KALRN: variants seen among roughly 807,000 people sequenced by gnomAD.
The protein encoded by KALRN is kalirin RhoGEF kinase, also known as kalirin.
A neutral mutation model predicts 353.7 loss-of-function variants in KALRN; 70 were observed. The observed-to-expected ratio is 0.20, with a 90% confidence interval of 0.16 to 0.24. KALRN has a LOEUF of 0.24. Among genes scored for constraint, KALRN ranks in the 10% least tolerant of loss-of-function variants. KALRN has a pLI of 1.00. For missense variants in KALRN, 2,791 were observed against 3,756.7 expected (o/e 0.74, Z 6.72); for synonymous variants, 1,391 against 1,434.8 (o/e 0.97, Z 0.69).
At chr3:124,103,942 C>T (rs957586452) in intron 1 of KALRN, among the ~76,000 whole-genome samples, 6 of 151,554 alleles carry the variant, frequency 4.0e-5, no homozygotes, top group Non-Finnish European at 7.4e-5. Flanking sequence ...GGTGGCAGAG[C>T]GAGACTCCAT....
intron 34 of KALRN, among the ~76,000 whole-genome samples, chr3:124,595,170 G>C (rs1412235395): frequency 6.7e-6 from 1 of 150,034 alleles, no homozygotes; most frequent in African/African-American, 2.4e-5. Context: ...CATTCTTTTG[G>C]TCTTTTTTTT....
At chr3:124,163,712 C>T (rs1445084461) in intron 1 of KALRN, 1 of 985,334 alleles carries the variant, frequency 1.0e-6, no homozygotes. Flanking sequence ...TGGCTCTTTA[C>T]CATAGACCTT....
rs557785466 is a variant in KALRN, at chr3:124,474,566, A to G, written c.4032-97A>G. On this transcript the variant is annotated intron_variant, in intron 25 of 59. Transcript: ENST00000682506. ...TTAGACAGTAGAGAAGCCATGTATA[A>G]ATAATTGAGAAGTTATGGTTGTGCT... The G allele has an allele frequency of 2.1e-5, 19 of 918,354 alleles. No homozygotes were observed. In the South Asian group the frequency reaches 2.2e-4, roughly 10 times the overall value. The allele number at this position is 918,354 out of a possible 1,614,324, so 56.9% of individuals were successfully genotyped here. A position where few individuals can be genotyped will look rare whatever the true frequency, so the allele number is the denominator to read the frequency against.
chr3:124,635,436 A>G (rs938603552), intron 36 of KALRN, among the ~76,000 whole-genome samples: 1 of 152,130 alleles, frequency 6.6e-6, no homozygotes, highest in African/African-American at 2.4e-5. Context: ...CAGAATTCTG[A>G]CTTACCTTTA....
chr3:124,150,792 C>T (rs1043864250), intron 1 of KALRN, among the ~76,000 whole-genome samples: 1 of 152,206 alleles, frequency 6.6e-6, no homozygotes, highest in Non-Finnish European at 1.5e-5. Flanking sequence ...AGTGAACACA[C>T]TTGAGTAATC....
intron 38 of KALRN, among the ~76,000 whole-genome samples, chr3:124,652,646 G>A (rs1278576042): frequency 6.6e-6 from 1 of 152,000 alleles, no homozygotes; most frequent in African/African-American, 2.4e-5. Flanking sequence ...GCACTATCTC[G>A]GCTCACTGCA....
At chr3:124,582,395 T>G (rs1484759737) in intron 34 of KALRN, among the ~76,000 whole-genome samples, 1 of 152,216 alleles carries the variant, frequency 6.6e-6, no homozygotes, top group African/African-American at 2.4e-5. Flanking sequence ...CATTTCCTGC[T>G]TGACAGTGAC....
At chr3:124,599,259 A>T (rs16835639) in intron 34 of KALRN, among the ~76,000 whole-genome samples, 1 of 152,140 alleles carries the variant, frequency 6.6e-6, no homozygotes, top group African/African-American at 2.4e-5. Context: ...TAGCCTTATC[A>T]TGCTCACATT....
At chr3:124,636,897 T>C (rs1039965561) in intron 36 of KALRN, among the ~76,000 whole-genome samples, 1 of 152,180 alleles carries the variant, frequency 6.6e-6, no homozygotes, top group Admixed American at 6.5e-5. Flanking sequence ...AAGCTGTTGC[T>C]GTCAGTAGGT....
chr3:124,162,193 T>A (rs150221724), intron 1 of KALRN: 1 of 152,344 alleles, frequency 6.6e-6, no homozygotes, highest in African/African-American at 2.4e-5. Context: ...TGCTTCTTGT[T>A]GAATTTTGCT....
chr3:124,123,906 A>G (rs1459464255), intron 1 of KALRN, among the ~76,000 whole-genome samples: 2 of 152,256 alleles, frequency 1.3e-5, no homozygotes, highest in African/African-American at 4.8e-5. Flanking sequence ...TCAAAATATT[A>G]CTTGCTCATT....
At chr3:124,674,645 G>T in intron 49 of KALRN, 31 bp downstream of exon 49, 3 of 1,514,590 alleles carry the variant, frequency 2.0e-6, no homozygotes, top group Non-Finnish European at 2.6e-6. Flanking sequence ...CCCGGGAGAG[G>T]AGTATGAGGA....
intron 33 of KALRN, among the ~76,000 whole-genome samples, chr3:124,498,225 A>G (rs1018499507): frequency 1.3e-5 from 2 of 152,188 alleles, no homozygotes; most frequent in Non-Finnish European, 2.9e-5. Flanking sequence ...TGCATATTTC[A>G]CAGAAACAGT....
intron 11 of KALRN, among the ~76,000 whole-genome samples, chr3:124,389,452 C>T (rs1252059231): frequency 6.6e-6 from 1 of 152,198 alleles, no homozygotes; most frequent in African/African-American, 2.4e-5. Flanking sequence ...ATTTCTTCTA[C>T]AAATTCAAGT....
At chr3:124,562,268 A>G (rs918247464) in intron 33 of KALRN, among the ~76,000 whole-genome samples, 1 of 152,152 alleles carries the variant, frequency 6.6e-6, no homozygotes, top group African/African-American at 2.4e-5. Flanking sequence ...TGATGGCTCC[A>G]GTAAGGGGTG....
chr3:124,595,207 T>C (rs2149396532), intron 34 of KALRN, among the ~76,000 whole-genome samples: 1 of 151,928 alleles, frequency 6.6e-6, no homozygotes, highest in East Asian at 1.9e-4. Flanking sequence ...TTCTCAGAAA[T>C]ATGATACAGA....
At chr3:124,693,580 A>G (rs1410910254) in intron 51 of KALRN, among the ~76,000 whole-genome samples, 2 of 152,212 alleles carry the variant, frequency 1.3e-5, no homozygotes, top group African/African-American at 4.8e-5. Context: ...GCTGCCAGGC[A>G]GGAATGTGAA....
intron 33 of KALRN, chr3:124,518,716 T>C: frequency 7.1e-7 from 1 of 1,407,042 alleles, no homozygotes; most frequent in Non-Finnish European, 9.2e-7. Context: ...AAGTCTAAAA[T>C]GGTGGGGCAG....
rs541275869 is a variant in KALRN, at chr3:124,646,753, C to T, written c.5665-4055C>T. On this transcript the variant is annotated intron_variant, in intron 37 of 59. Coordinates refer to ENST00000682506, the MANE Select transcript of KALRN (RefSeq NM_001388419.1). ...TTCTGACGAATATAAGAAATATATG[C>T]TTATTCAAAAAAATTTGGAAAAATG... 2.7e-5 allele frequency among the ~76,000 whole-genome samples: 4 copies of T among 150,442 alleles called. No individual in the cohort carries two copies. In the South Asian group the frequency reaches 8.4e-4, roughly 31 times the overall value.
Sources: allele counts gnomAD v4.1 joint callset (sites outside exome capture counted in the v4.1 genomes callset), GRCh38; gene constraint gnomAD v4.1.1; transcripts MANE v1.5; gene names NCBI Gene and HGNC (gene_info 2026-07-23, HGNC 2026-07-21).